Variants in ADAMTS18 observed in about 807,000 individuals in gnomAD.
The protein encoded by ADAMTS18 is ADAM metallopeptidase with thrombospondin type 1 motif 18, also known as A disintegrin and metalloproteinase with thrombospondin motifs 18.
ADAMTS18 carries 157 observed loss-of-function variants against 165.9 expected under a neutral mutation model. The observed-to-expected ratio is 0.95, with a 90% confidence interval of 0.83 to 1.08. ADAMTS18 has a LOEUF of 1.08. ADAMTS18 is among the 50% of genes least tolerant of loss of function. The pLI is 0.00. For missense variants in ADAMTS18, 2,040 were observed against 1,534.0 expected (o/e 1.33, Z -5.51); for synonymous variants, 782 against 578.2 (o/e 1.35, Z -5.06).
At chr16:77,300,448 G>A (rs1210318996) in intron 16 of ADAMTS18, 44 bp from the exon 17 acceptor site, 3 of 1,608,646 alleles carry the variant, frequency 1.9e-6, no homozygotes, top group African/African-American at 1.3e-5. Flanking sequence ...ATACAGGTCA[G>A]ACCCTGGAAT....
intron 3 of ADAMTS18, among the ~76,000 whole-genome samples, chr16:77,428,995 G>T (rs1419908092): frequency 6.6e-6 from 1 of 152,170 alleles, no homozygotes; most frequent in Non-Finnish European, 1.5e-5. Context: ...GCTGGTGGGG[G>T]TGTAAATTAG....
intron 3 of ADAMTS18, among the ~76,000 whole-genome samples, chr16:77,371,770 T>C (rs945448451): frequency 6.6e-6 from 1 of 151,754 alleles, no homozygotes; most frequent in African/African-American, 2.4e-5. Context: ...AACAGAGAAA[T>C]GGAAGTGTAT....
At chr16:77,301,582 C>T (rs952941994) in intron 16 of ADAMTS18, among the ~76,000 whole-genome samples, 12 of 152,188 alleles carry the variant, frequency 7.9e-5, no homozygotes, top group African/African-American at 2.9e-4. Flanking sequence ...AAGCTGATTG[C>T]CAGTTAAAAA....
intron 16 of ADAMTS18, among the ~76,000 whole-genome samples, chr16:77,302,696 T>G (rs1215772529): frequency 6.6e-6 from 1 of 152,244 alleles, no homozygotes; most frequent in Non-Finnish European, 1.5e-5. Context: ...TTCTTGCCTT[T>G]TGAGCTTCTA....
chr16:77,300,316 G>A lies in ADAMTS18; in HGVS notation c.2621C>T (p.Pro874Leu), dbSNP rs1244780117. 3.1e-6 allele frequency: 5 copies of A among 1,614,008 alleles called. No homozygotes were observed. The African/African-American group carries it at 5.3e-5, about 17-fold the overall frequency. ...MNGTPPATKR[P>L]AYTWSIVQSE... ...CTGCACGATACTCCAGGTATAGGCA[G>A]GTCTTTTTGTGGCTGGTGGAGTTCC... Residue 874 changes from proline to leucine, a missense_variant, in exon 17 of 23, where the codon CCT (proline) becomes CTT (leucine). Pro to Leu is a moderately conservative substitution (Grantham distance 98). Coordinates refer to ENST00000282849, the MANE Select transcript of ADAMTS18 (RefSeq NM_199355.4).
chr16:77,403,455 A>T (rs2057356118), intron 3 of ADAMTS18, among the ~76,000 whole-genome samples: 1 of 152,170 alleles, frequency 6.6e-6, no homozygotes, highest in Admixed American at 6.5e-5. Context: ...TGTGCTTCTA[A>T]CTCACTACAC....
intron 21 of ADAMTS18, among the ~76,000 whole-genome samples, chr16:77,289,959 AACTGTCT>A (rs1424600152): frequency 2.6e-5 from 4 of 152,176 alleles, no homozygotes; most frequent in African/African-American, 9.6e-5. Flanking sequence ...TAGACAACTC[AACTGTCT>A]TTCTTCCAGA....
At chr16:77,403,911 G>T (rs1200651020) in intron 3 of ADAMTS18, among the ~76,000 whole-genome samples, 2 of 152,156 alleles carry the variant, frequency 1.3e-5, no homozygotes, top group Non-Finnish European at 2.9e-5. Flanking sequence ...AAGAGGGTTG[G>T]CTGGGAAGGA....
chr16:77,364,152 T>C lies in ADAMTS18; in HGVS notation c.972+36A>G, dbSNP rs572283448. Reference sequence around the variant, plus strand: ...GAGAATTCCATGACATTTATTTTCTTTGGAGAGCCAGAAGGTTTGTGACAC... The same window carrying C: ...GAGAATTCCATGACATTTATTTTCTCTGGAGAGCCAGAAGGTTTGTGACAC... On this transcript the variant is annotated intron_variant, in intron 5 of 22. Coordinates refer to ENST00000282849, the MANE Select transcript of ADAMTS18 (RefSeq NM_199355.4). The C allele has an allele frequency of 1.7e-5, 27 of 1,613,208 alleles. No individual in the cohort carries two copies. In the South Asian group the frequency reaches 2.5e-4, roughly 15 times the overall value.
rs145759106 is a variant in ADAMTS18, at chr16:77,398,802, C to T, written c.496-31079G>A. On this transcript the variant is annotated intron_variant, in intron 3 of 22. Coordinates refer to ENST00000282849, the MANE Select transcript of ADAMTS18 (RefSeq NM_199355.4). ...CAAAATTCTCCATGGTTGACAGCTA[C>T]TGTTGTAGGTAGAAAACAGATGAAA... is the stretch of plus-strand genomic sequence containing the variant. Among the ~76,000 whole-genome samples the T allele has an allele frequency of 3.4e-3, 515 of 152,180 alleles. 5 individuals carry two copies. Among genetic ancestry groups the T allele is most frequent in the African/African-American group, 0.011 (471 of 41,502 alleles).
intron 3 of ADAMTS18, among the ~76,000 whole-genome samples, chr16:77,423,155 C>T (rs548166872): frequency 2.4e-4 from 36 of 152,336 alleles, no homozygotes; most frequent in Non-Finnish European, 4.3e-4. Context: ...ACACCTCAGA[C>T]GTTAACTACT....
intron 4 of ADAMTS18, among the ~76,000 whole-genome samples, chr16:77,365,487 C>T (rs1163555913): frequency 6.6e-6 from 1 of 152,148 alleles, no homozygotes; most frequent in African/African-American, 2.4e-5. Flanking sequence ...GTGACAATGA[C>T]TTAGTTATTA....
intron 12 of ADAMTS18, 44 bp from the exon 13 acceptor site, chr16:77,326,082 C>A (rs370489756): frequency 2.5e-6 from 4 of 1,576,076 alleles, no homozygotes; most frequent in Non-Finnish European, 3.5e-6. Flanking sequence ...AATCAAAGGG[C>A]TCATTATTAG....
Position 77,325,984 on chromosome 16 carries a change from G to A in ADAMTS18, c.1914C>T (p.Cys638=). 6.2e-7 allele frequency: 1 copy of A among 1,613,994 alleles called. No individual in the cohort carries two copies. The highest frequency in any genetic ancestry group is 8.5e-7 in the Non-Finnish European group (1 of 1,179,930). Residue 638 remains cysteine, a synonymous_variant, in exon 13 of 23, where the codon TGC becomes TGT. Transcript: ENST00000282849. The part of the protein sequence containing the change: ...CPGSSRIYQL[C]NINPCNENSL... ...TATTTTCATTGCAAGGGTTAATATT[G>A]CACAGCTGATAAATACGGCTAGAAC...
chr16:77,295,246 G>T, intron 18 of ADAMTS18, 119 bp from the exon 19 acceptor site: 1 of 1,004,800 alleles, frequency 1.0e-6, no homozygotes, highest in Non-Finnish European at 1.5e-6. Context: ...GAACCAATAA[G>T]ATAAGTTATT....
rs115896783 is a variant in ADAMTS18, at chr16:77,400,264, C to T, written c.495+31031G>A. On this transcript the variant is annotated intron_variant, in intron 3 of 22. Transcript: ENST00000282849. The stretch of plus-strand genomic sequence containing the variant: ...CAGCAGACCACATCCCACCTAGAGC[C>T]AGCATTACATATCTTCGCACCTGTT... Among the ~76,000 whole-genome samples the T allele has an allele frequency of 6.5e-4, 99 of 152,192 alleles. 1 individual carries two copies. The highest frequency in any genetic ancestry group is 2.1e-3 in the African/African-American group (87 of 41,506).
At chr16:77,308,462 T>C (rs967613991) in intron 16 of ADAMTS18, among the ~76,000 whole-genome samples, 1 of 147,848 alleles carries the variant, frequency 6.8e-6, no homozygotes, top group Non-Finnish European at 1.5e-5. Flanking sequence ...CAGAGAAAGA[T>C]TGAAATGGGG....
chr16:77,336,461 G>C (rs75403948), intron 11 of ADAMTS18, among the ~76,000 whole-genome samples: 1,635 of 152,164 alleles, frequency 0.011, 29 homozygotes, highest in African/African-American at 0.037. Flanking sequence ...TTCCAAACCC[G>C]TCACTATAGA....
intron 9 of ADAMTS18, among the ~76,000 whole-genome samples, chr16:77,355,200 G>C (rs1217698988): frequency 7.8e-6 from 1 of 127,904 alleles, no homozygotes; most frequent in Non-Finnish European, 1.6e-5. Flanking sequence ...ATAAAGGTAG[G>C]ATTGTGTGTG....
Sources: gnomAD v4.1 joint callset for allele counts (sites outside exome capture counted in the v4.1 genomes callset) on GRCh38, gnomAD v4.1.1 for gene constraint, MANE v1.5 for transcripts, NCBI Gene and HGNC (gene_info 2026-07-23, HGNC 2026-07-21) for gene names.